Variants in TMEM132B observed in about 807,000 individuals in gnomAD.
TMEM132B encodes transmembrane protein 132B.
In TMEM132B, 18 loss-of-function variants were observed where a neutral mutation model predicts 90.8. The ratio of observed to expected loss-of-function variants is 0.20; its 90% confidence interval spans 0.14 to 0.29. The LOEUF (loss-of-function observed/expected upper bound fraction) is 0.29. TMEM132B is among the 10% of genes least tolerant of loss of function. The pLI, the probability that TMEM132B is intolerant of heterozygous loss-of-function variation, is 1.00. For missense variants in TMEM132B, 1,096 were observed against 1,326.8 expected, an observed-to-expected ratio of 0.83 and a Z score of 2.70; for synonymous variants, 504 against 523.3, an observed-to-expected ratio of 0.96 and a Z score of 0.50.
intron 1 of TMEM132B, among the ~76,000 whole-genome samples, chr12:125,286,879 T>C (rs1371018909): frequency 6.6e-6 from 1 of 152,068 alleles, no homozygotes; most frequent in African/African-American, 2.4e-5. Flanking sequence ...GATTTTTTAC[T>C]TTTAGTAGAG....
intron 5 of TMEM132B, among the ~76,000 whole-genome samples, chr12:125,641,389 G>A (rs1258442190): frequency 6.6e-6 from 1 of 152,186 alleles, no homozygotes; most frequent in Non-Finnish European, 1.5e-5. Context: ...ACCATGAAGT[G>A]AGAAACTCTG....
At position 125,654,076 on chromosome 12, in the gene TMEM132B, C is replaced by T; in HGVS notation, c.2618C>T (p.Ala873Val). 1 of 1,614,144 alleles carries T rather than the reference C, an allele frequency of 6.2e-7. No individual in the cohort carries two copies. Among genetic ancestry groups the T allele is most frequent in the Non-Finnish European group, 8.5e-7 (1 of 1,180,028 alleles). Residue 873 changes from alanine to valine, a missense_variant, in exon 9 of 9, where the codon GCC becomes GTC. Transcript: ENST00000682704. This position sits in a 1 kb window ranked among gnomAD's most constrained non-coding sequence, Gnocchi z 5.8. ...NKLLKSGGPD[A>V]FTSFPTQGKS... is the part of the protein sequence containing the mutation. ...TTACTCAAAAGTGGTGGTCCAGATG[C>T]CTTTACAAGCTTCCCCACTCAAGGG...
intron 3 of TMEM132B, among the ~76,000 whole-genome samples, chr12:125,484,491 G>A (rs956804327): frequency 6.6e-6 from 1 of 152,144 alleles, no homozygotes; most frequent in African/African-American, 2.4e-5. Flanking sequence ...GGGACTTTGA[G>A]TCTTGAGTAG....
chr12:125,387,665 G>A (rs1247070870), intron 2 of TMEM132B, among the ~76,000 whole-genome samples: 2 of 152,226 alleles, frequency 1.3e-5, no homozygotes, highest in Non-Finnish European at 2.9e-5. Flanking sequence ...TTATTGAGCT[G>A]CTGTACCAGG....
chr12:125,302,043 A>G (rs1026297574), intron 1 of TMEM132B: 3 of 152,166 alleles, frequency 2.0e-5, no homozygotes, highest in African/African-American at 7.2e-5. Flanking sequence ...TCTACTAAAA[A>G]TAAAAAGTTA....
chr12:125,436,118 T>C (rs1008591180), intron 3 of TMEM132B, among the ~76,000 whole-genome samples: 6 of 152,196 alleles, frequency 3.9e-5, no homozygotes, highest in Non-Finnish European at 7.4e-5. Context: ...CGTGGTCATG[T>C]TCCAGTGGAA....
In TMEM132B at chr12:125,213,127, T is replaced by C. The variant is rs1873358904; in HGVS notation, c.67+26261T>C. Among the ~76,000 whole-genome samples the C allele has an allele frequency of 6.6e-6, 1 of 152,230 alleles. No individual in the cohort carries two copies. Among genetic ancestry groups the C allele is most frequent in the African/African-American group, 2.4e-5 (1 of 41,462 alleles). On this transcript the variant is annotated intron_variant, in intron 1 of 8. Coordinates refer to ENST00000682704, the MANE Select transcript of TMEM132B (RefSeq NM_001366854.1). This position sits in a 1 kb window ranked among gnomAD's most constrained non-coding sequence, Gnocchi z 4.2. ...AAATACGCTTCTACTTTCTATTCTA[T>C]GGATGTGCTGGTTCTGGCTATTTAA...
chr12:125,450,829 C>T (rs1881129302), intron 3 of TMEM132B, among the ~76,000 whole-genome samples: 1 of 152,196 alleles, frequency 6.6e-6, no homozygotes, highest in African/African-American at 2.4e-5. Flanking sequence ...GGCACATGGA[C>T]ACCCATTGCC....
intron 1 of TMEM132B, among the ~76,000 whole-genome samples, chr12:125,298,673 C>CAA (rs36048797): frequency 0.3 from 31,372 of 104,198 alleles, 4,970 homozygotes; most frequent in East Asian, 0.51. Flanking sequence ...GACTCTGTCT[C>CAA]AAAAAAAAAA....
chr12:125,274,513 G>A (rs1874934830), intron 1 of TMEM132B, among the ~76,000 whole-genome samples: 1 of 152,220 alleles, frequency 6.6e-6, no homozygotes, highest in Non-Finnish European at 1.5e-5. Context: ...GAGGTGTTCC[G>A]ATCATGGTGC....
intron 3 of TMEM132B, among the ~76,000 whole-genome samples, chr12:125,479,582 C>T (rs909108403): frequency 3.9e-5 from 6 of 152,134 alleles, no homozygotes; most frequent in African/African-American, 1.4e-4. Flanking sequence ...TATATATGCA[C>T]CCAATACAGG....
intron 3 of TMEM132B, among the ~76,000 whole-genome samples, chr12:125,501,986 G>A (rs1165016738): frequency 6.6e-5 from 10 of 152,208 alleles, no homozygotes; most frequent in Non-Finnish European, 1.3e-4. Context: ...ATGTGCACGT[G>A]TGTGTGTATC....
intron 1 of TMEM132B, among the ~76,000 whole-genome samples, chr12:125,307,870 A>C (rs1876029414): frequency 7.8e-6 from 1 of 127,398 alleles, no homozygotes; most frequent in African/African-American, 3.0e-5. Context: ...ATATATACTT[A>C]TATTACTTAT....
chr12:125,228,287 C>T (rs922108947), intron 1 of TMEM132B, among the ~76,000 whole-genome samples: 5 of 152,214 alleles, frequency 3.3e-5, no homozygotes, highest in African/African-American at 9.6e-5. Context: ...ACCCCGCTGC[C>T]CTCGTTAGCA....
chr12:125,207,882 ATG>A (rs1263065043), intron 1 of TMEM132B, among the ~76,000 whole-genome samples: 6 of 152,224 alleles, frequency 3.9e-5, no homozygotes, highest in South Asian at 4.1e-4. Flanking sequence ...CATGTGTAGC[ATG>A]TGCTAGAATT....
chr12:125,512,919 A>G (rs1380434948), intron 3 of TMEM132B, among the ~76,000 whole-genome samples: 1 of 152,264 alleles, frequency 6.6e-6, no homozygotes, highest in Non-Finnish European at 1.5e-5. Context: ...ATCCGTGAGC[A>G]GGAATGTGCC....
chr12:125,535,883 C>G (rs1471268860), intron 4 of TMEM132B, among the ~76,000 whole-genome samples: 1 of 152,170 alleles, frequency 6.6e-6, no homozygotes, highest in Admixed American at 6.5e-5. Flanking sequence ...AGCAAGAAAC[C>G]AAAGGCGGCT....
intron 4 of TMEM132B, among the ~76,000 whole-genome samples, chr12:125,544,355 G>A (rs1296351252): frequency 6.6e-6 from 1 of 152,194 alleles, no homozygotes; most frequent in East Asian, 1.9e-4. Context: ...AAACTTGCAA[G>A]TATAGTCACA....
chr12:125,405,895 G>A (rs943819244), intron 2 of TMEM132B, among the ~76,000 whole-genome samples: 2 of 152,166 alleles, frequency 1.3e-5, no homozygotes, highest in Non-Finnish European at 2.9e-5. Context: ...CCTGAGTGGC[G>A]CTAGGATGCA....
Sources: allele counts gnomAD v4.1 joint callset (sites outside exome capture counted in the v4.1 genomes callset), GRCh38; gene constraint gnomAD v4.1.1; non-coding constraint Gnocchi (gnomAD v3.1); transcripts MANE v1.5; gene names NCBI Gene and HGNC (gene_info 2026-07-23, HGNC 2026-07-21).